BIRC6: variants seen among roughly 807,000 people sequenced by gnomAD.
BIRC6 encodes dual E2 ubiquitin-conjugating enzyme/E3 ubiquitin-protein ligase BIRC6.
Under a neutral mutation model 503.3 loss-of-function variants are expected in BIRC6, and 98 were observed. The ratio of observed to expected loss-of-function variants is 0.19; its 90% CI spans 0.17 to 0.23. The LOEUF (loss-of-function observed/expected upper bound fraction) is 0.23. BIRC6 is among the 10% of genes least tolerant of loss of function. BIRC6 has a pLI of 1.00. For missense variants in BIRC6, 5,360 were observed against 5,806.0 expected (o/e 0.92, Z 2.50); for synonymous variants, 2,240 against 2,078.7 (o/e 1.08, Z -2.11).
intron 31 of BIRC6, 25 bp downstream of exon 31, chr2:32,470,326 T>G (rs1417849063): frequency 6.6e-7 from 1 of 1,513,052 alleles, no homozygotes; most frequent in Admixed American, 2.5e-5. Context: ...CAGTGTTCTT[T>G]AGTAAAAACA....
chr2:32,438,827 T>C (rs1263492447), intron 15 of BIRC6, among the ~76,000 whole-genome samples: 1 of 152,202 alleles, frequency 6.6e-6, no homozygotes, highest in Non-Finnish European at 1.5e-5. Flanking sequence ...CCCAAAGTGC[T>C]GGGATTACAG....
chr2:32,521,366 A>C (rs1220905160), intron 57 of BIRC6, among the ~76,000 whole-genome samples: 1 of 23,652 alleles, frequency 4.2e-5, no homozygotes, highest in Non-Finnish European at 8.5e-5. Context: ...ACCTCATCTC[A>C]AAAAAAAAAA....
At chr2:32,611,198 C>T (rs1266490238) in intron 72 of BIRC6, among the ~76,000 whole-genome samples, 2 of 151,238 alleles carry the variant, frequency 1.3e-5, no homozygotes, top group South Asian at 2.1e-4. Context: ...CTCCACCTCC[C>T]GGGTTCACGC....
At chr2:32,580,117 C>G (rs945200553) in intron 66 of BIRC6, among the ~76,000 whole-genome samples, 1 of 151,988 alleles carries the variant, frequency 6.6e-6, no homozygotes, top group Non-Finnish European at 1.5e-5. Flanking sequence ...CCACGCCCAG[C>G]TAATTTTTGT....
chr2:32,414,684 T>TAAA, intron 9 of BIRC6, 85 bp from the exon 10 acceptor site: 1 of 989,568 alleles, frequency 1.0e-6, no homozygotes, highest in East Asian at 2.9e-5. Context: ...AATAAATAAA[T>TAAA]AAATAAATAA....
rs777391340 is a variant in BIRC6 at position 32,414,937 on chromosome 2, G to C, written c.1646G>C (p.Ser549Thr). Residue 549 changes from serine (S) to threonine (T), a missense_variant, in exon 10 of 74, where the codon AGT (serine) becomes ACT (threonine). Physicochemically the swap from Ser to Thr is moderately conservative, Grantham distance 58 (BLOSUM62 1). Around this residue, in one of 16 missense-constraint regions of BIRC6, gnomAD observed 700 missense variants for 739.3 expected, o/e 0.95. Coordinates refer to ENST00000421745, the MANE Select transcript of BIRC6 (RefSeq NM_016252.4). ...GANPCLTNSK[S>T]EKTKEKHQEQ... ...AATCCTTGTTTAACAAACTCTAAGA[G>C]TGAAAAGACAAAGGAAAAGCACCAG... 5 of 1,613,942 alleles carry C rather than the reference G, an allele frequency of 3.1e-6. No homozygotes were observed. Among genetic ancestry groups the C allele is most frequent in the Non-Finnish European group, 4.2e-6 (5 of 1,179,880 alleles).
Position 32,529,841 on chromosome 2 carries a change from A to G in BIRC6, c.12094+17A>G, listed in dbSNP as rs545117640. On this transcript the variant is annotated intron_variant, in intron 60 of 73. Coordinates refer to ENST00000421745, the MANE Select transcript of BIRC6 (RefSeq NM_016252.4). ...CTGAAAAAGGTATGTGCATAATACT[A>G]CTTTAAAAATTACAGACTGTCATAC... 2 of 1,495,632 alleles carry G rather than the reference A, an allele frequency of 1.3e-6. No homozygotes were observed. The highest frequency in any genetic ancestry group is 1.8e-6 in the Non-Finnish European group (2 of 1,116,684). The allele number at this position is 1,495,632 out of a possible 1,614,324, so 92.6% of individuals were successfully genotyped here. A position where few individuals can be genotyped will look rare whatever the true frequency, so the allele number is the denominator to read the frequency against.
intron 22 of BIRC6, among the ~76,000 whole-genome samples, chr2:32,452,643 C>T (rs759563929): frequency 8.5e-5 from 13 of 152,060 alleles, no homozygotes; most frequent in Non-Finnish European, 1.5e-4. Context: ...CTTATTCTTC[C>T]TATGAATCCC....
chr2:32,534,509 T>C (rs1484708850), intron 61 of BIRC6, among the ~76,000 whole-genome samples: 1 of 150,882 alleles, frequency 6.6e-6, no homozygotes, highest in East Asian at 2.0e-4. Context: ...GGCAGGCGGA[T>C]CACCTGAGGT....
rs774500693 is a variant in BIRC6 at position 32,401,286 on chromosome 2, C to T, written c.1158C>T (p.Asp386=). The T allele has an allele frequency of 3.1e-6, 5 of 1,614,006 alleles. No homozygotes were observed. In the East Asian group the frequency reaches 6.7e-5, roughly 22 times the overall value. ...PAQFPCTDGT[D]RISCFGSGSC... is the part of the protein sequence containing the mutation. ...AGTTTCCTTGTACGGATGGAACTGACAGAATATCTTGCTTTGGGTCGGGGA... is the reference window on the plus strand; with the variant it reads ...AGTTTCCTTGTACGGATGGAACTGATAGAATATCTTGCTTTGGGTCGGGGA... Residue 386 remains aspartate (D), a synonymous_variant, in exon 7 of 74, where the codon GAC becomes GAT. Transcript: ENST00000421745.
intron 65 of BIRC6, among the ~76,000 whole-genome samples, chr2:32,570,679 T>C (rs936655865): frequency 1.4e-4 from 21 of 146,288 alleles, no homozygotes; most frequent in African/African-American, 5.3e-4. Context: ...TTTGTATTTT[T>C]AGTAGAGATG....
At chr2:32,467,868 G>A in intron 27 of BIRC6, 35 bp from the exon 28 acceptor site, 2 of 1,522,084 alleles carry the variant, frequency 1.3e-6, no homozygotes, top group Non-Finnish European at 1.8e-6. Context: ...TGTGGCAGAT[G>A]TGTATATATG....
At chr2:32,547,705 T>TA in intron 63 of BIRC6, 145 bp from the exon 64 acceptor site, 1 of 655,428 alleles carries the variant, frequency 1.5e-6, no homozygotes, top group East Asian at 2.9e-5. Flanking sequence ...TGCTGGGTCA[T>TA]ACAGAAAATC....
intron 16 of BIRC6, among the ~76,000 whole-genome samples, chr2:32,440,696 G>T (rs1442354824): frequency 1.3e-5 from 2 of 151,608 alleles, no homozygotes; most frequent in East Asian, 3.9e-4. Context: ...GAACCTTAGC[G>T]ATTGGGGAGC....
intron 68 of BIRC6, among the ~76,000 whole-genome samples, 191 bp from the exon 69 acceptor site, chr2:32,597,560 C>T (rs2061754556): frequency 6.6e-6 from 1 of 152,146 alleles, no homozygotes; most frequent in South Asian, 2.1e-4. Flanking sequence ...AAGAGTCCAT[C>T]CATCTGGCAG....
chr2:32,392,863 A>G, intron 5 of BIRC6, among the ~76,000 whole-genome samples: 1 of 151,616 alleles, frequency 6.6e-6, no homozygotes. Flanking sequence ...ACTGGTCTCG[A>G]ACTCCTGCTC....
Position 32,478,656 on chromosome 2 carries a change from G to T in BIRC6, c.7090G>T (p.Ala2364Ser). The change falls in exon 36 of 74, where the codon GCC (alanine) becomes TCC (serine). Residue 2364 changes from alanine to serine, a missense_variant. Ala to Ser is a moderately conservative substitution (Grantham distance 99, BLOSUM62 1). Transcript: ENST00000421745. ...VCKVLARIAN[A>S]TRPTIHLCEI... The stretch of plus-strand genomic sequence containing the variant: ...ACAGGTTCTTGCACGCATTGCAAAT[G>T]CCACGAGGCCAACTATTCATCTGTG... 6.2e-7 allele frequency: 1 copy of T among 1,611,572 alleles called. No individual in the cohort carries two copies. The highest frequency in any genetic ancestry group is 1.3e-5 in the African/African-American group (1 of 74,922).
chr2:32,460,478 T>C (rs1278825012), intron 23 of BIRC6, among the ~76,000 whole-genome samples: 2 of 151,210 alleles, frequency 1.3e-5, no homozygotes, highest in African/African-American at 4.9e-5. Flanking sequence ...GGTTTTGCCA[T>C]GTTGGTCAGG....
chr2:32,373,683 C>T (rs1356868603), intron 1 of BIRC6, among the ~76,000 whole-genome samples: 2 of 152,068 alleles, frequency 1.3e-5, no homozygotes, highest in South Asian at 4.1e-4. Context: ...GTGGAGTTTC[C>T]TCAGAAAATT....
Sources: allele counts gnomAD v4.1 joint callset (sites outside exome capture counted in the v4.1 genomes callset), GRCh38; gene constraint gnomAD v4.1.1; regional missense constraint gnomAD v4.1.1; transcripts MANE v1.5; gene names NCBI Gene and HGNC (gene_info 2026-07-23, HGNC 2026-07-21).